The following ENTR1 variants were observed in gnomAD, a reference collection of about 807,000 sequenced individuals.
ENTR1 encodes endosome-associated-trafficking regulator 1.
In ENTR1, 47 loss-of-function variants were observed where a neutral mutation model predicts 47.9. The ratio of observed to expected loss-of-function variants is 0.98; its 90% CI spans 0.78 to 1.25. The LOEUF (loss-of-function observed/expected upper bound fraction) is 1.25, where lower values mean the gene tolerates loss of function less well. Among genes scored for constraint, ENTR1 ranks in the 50% most tolerant of loss-of-function variants. The pLI is 0.00. For synonymous variants in ENTR1, 290 were observed against 245.8 expected (o/e 1.18, Z -1.68); for missense variants, 668 against 570.5 (o/e 1.17, Z -1.74).
intron 6 of ENTR1, 141 bp downstream of exon 6, chr9:136,405,764 A>T: frequency 1.8e-6 from 1 of 564,346 alleles, no homozygotes; most frequent in East Asian, 3.2e-5. Flanking sequence ...GGCAGAACAC[A>T]GAAATGTGTT....
rs771852628 is a variant in ENTR1 at position 136,410,196 on chromosome 9, A to G, written c.114T>C (p.Asn38=). Residue 38 remains asparagine, a synonymous_variant, in exon 2 of 10, where the codon AAT becomes AAC. Transcript: ENST00000357365. ...GGTCCCTGCCATGGGGGCGCTCACA[A>G]TTTAGCTGGGGGAGACAAGACCGGC... ...YERRSCLPQL[N]CERPHGRDLD... 2.5e-6 allele frequency: 4 copies of G among 1,603,462 alleles called. No individual in the cohort carries two copies. The Admixed American group carries it at 5.2e-5, about 21-fold the overall frequency.
chr9:136,408,390 A>G (rs552901621), intron 3 of ENTR1, among the ~76,000 whole-genome samples: 32 of 152,164 alleles, frequency 2.1e-4, no homozygotes, highest in South Asian at 4.2e-4. Flanking sequence ...CATCCTGGCT[A>G]ACACGGTGAA....
chr9:136,407,091 G>A, intron 5 of ENTR1, 54 bp downstream of exon 5: 1 of 1,518,626 alleles, frequency 6.6e-7, no homozygotes, highest in Non-Finnish European at 8.9e-7. Context: ...GTTCTCCCCG[G>A]GAGAAGCCGC....
rs1477002688 is a variant in ENTR1 at position 136,407,414 on chromosome 9, A to G, written c.550T>C (p.Trp184Arg). 8.1e-6 allele frequency: 13 copies of G among 1,609,386 alleles called. No homozygotes were observed. The highest frequency in any genetic ancestry group is 1.1e-5 in the Non-Finnish European group (13 of 1,179,200). Residue 184 changes from tryptophan to arginine, a missense_variant, in exon 5 of 10, where the codon TGG becomes CGG. Coordinates refer to ENST00000357365, the MANE Select transcript of ENTR1 (RefSeq NM_001039707.2). ...LDEEEDEDTG[W>R]SGAYLPSAIE... The stretch of plus-strand genomic sequence containing the variant: ...GCGGACGGCAGGTAGGCCCCACTCC[A>G]TCCGGTGTCCTCATCCTCCTCCTCA...
Position 136,407,560 on chromosome 9 carries a change from T to A in ENTR1, c.404A>T (p.Glu135Val). The change falls in exon 5 of 10, where the codon GAA becomes GTA. Residue 135 changes from glutamate to valine, a missense_variant and splice_region_variant. Glu to Val is a moderately radical substitution (Grantham distance 121). Transcript: ENST00000357365. ...AAGTCCCAGGGAATGCCTCGAGGCT[T>A]CCTAAAAAAAAAAAAAAAAAAAAAA... ...EDPASRIYAK[E>V]ASRHSLGLDH... is the part of the protein sequence containing the mutation. 6 of 1,377,082 alleles carry A rather than the reference T, an allele frequency of 4.4e-6. No homozygotes were observed. Among genetic ancestry groups the A allele is most frequent in the Non-Finnish European group, 5.6e-6 (6 of 1,068,566 alleles). The allele number at this position is 1,377,082 out of a possible 1,614,324, so 85.3% of individuals were successfully genotyped here.
At chr9:136,403,452 GTGGGGTTTGCC>G (rs1834607495) in intron 9 of ENTR1, among the ~76,000 whole-genome samples, 1 of 97,612 alleles carries the variant, frequency 1.0e-5, no homozygotes, top group African/African-American at 3.8e-5. Flanking sequence ...GGAGCAAGGG[GTGGGGTTTGCC>G]GGGGGAAGAA....
At chr9:136,404,536 G>T in intron 8 of ENTR1, 95 bp downstream of exon 8, 1 of 1,350,938 alleles carries the variant, frequency 7.4e-7, no homozygotes. Context: ...GGGCTCAGGG[G>T]AAACCCCAGC....
At chr9:136,405,836 T>A in intron 6 of ENTR1, 69 bp downstream of exon 6, 1 of 947,160 alleles carries the variant, frequency 1.1e-6, no homozygotes, top group Non-Finnish European at 1.6e-6. Flanking sequence ...TACTTCATTA[T>A]CATTTAAAAA....
chr9:136,409,969 T>A (rs780275447), intron 2 of ENTR1, 121 bp downstream of exon 2: 2 of 1,242,572 alleles, frequency 1.6e-6, no homozygotes, highest in East Asian at 4.8e-5. Context: ...TCCGAGTGCC[T>A]GGCACGCAGT....
At chr9:136,403,973 G>A (rs541653275) in intron 9 of ENTR1, 82 bp downstream of exon 9, 52 of 1,463,560 alleles carry the variant, frequency 3.6e-5, no homozygotes, top group Middle Eastern at 5.1e-4. Context: ...CATCAGCCTG[G>A]GCCCCCACCC....
rs1234393051 is a variant in ENTR1, at chr9:136,407,389, G to A, written c.575C>T (p.Ala192Val). ...CCTCTCGGGGTGAGTCTGCTCGATG[G>A]CGGACGGCAGGTAGGCCCCACTCCA... is the stretch of plus-strand genomic sequence containing the variant. ...TGWSGAYLPS[A>V]IEQTHPERVP... The change falls in exon 5 of 10, where the codon GCC (alanine) becomes GTC (valine). Residue 192 changes from alanine to valine, a missense_variant. Transcript: ENST00000357365. 6.2e-7 allele frequency: 1 copy of A among 1,607,096 alleles called. No individual in the cohort carries two copies. The highest frequency in any genetic ancestry group is 8.5e-7 in the Non-Finnish European group (1 of 1,178,212).
chr9:136,407,906 G>T lies in ENTR1; in HGVS notation c.322C>A (p.Pro108Thr), dbSNP rs746917048. 17 of 1,611,838 alleles carry T rather than the reference G, an allele frequency of 1.1e-5. No individual in the cohort carries two copies. The highest frequency in any genetic ancestry group is 1.7e-5 in the Admixed American group (1 of 59,990). Residue 108 changes from proline to threonine, a missense_variant, in exon 4 of 10, where the codon CCA (proline) becomes ACA (threonine). By Grantham distance (38) the Pro-to-Thr change is conservative. Transcript: ENST00000357365. Reference protein sequence around the residue: ...DRFEDLEEANPFSFREFLKTK... With the variant: ...DRFEDLEEANTFSFREFLKTK... Reference sequence around the variant, plus strand: ...TTCAGAAACTCTCTAAAAGAGAATGGATTTGCCTCTTCCAGATCTTCAAAT... The same window carrying T: ...TTCAGAAACTCTCTAAAAGAGAATGTATTTGCCTCTTCCAGATCTTCAAAT...
chr9:136,406,841 T>G, intron 5 of ENTR1: 1 of 279,854 alleles, frequency 3.6e-6, no homozygotes, highest in Non-Finnish European at 6.7e-6. Context: ...TTAAAAATTT[T>G]CCTCCTCTTG....
intron 2 of ENTR1, 95 bp from the exon 3 acceptor site, chr9:136,409,162 T>G: frequency 3.9e-5 from 37 of 942,422 alleles, no homozygotes; most frequent in East Asian, 5.1e-5. Context: ...TCCACTGCAG[T>G]GGTTCTCACA....
chr9:136,404,107 C>G lies in ENTR1; in HGVS notation c.1156G>C (p.Val386Leu), dbSNP rs190302340. ...SLTVVKQNAD[V>L]ALQNLRVVMN... is the part of the protein sequence containing the mutation. ...ACCACCCGGAGGTTCTGCAGGGCCA[C>G]GTCGGCGTTCTGCTTCACCACGGTC... The change falls in exon 9 of 10, where the codon GTG becomes CTG. Residue 386 changes from valine to leucine, a missense_variant. Transcript: ENST00000357365. 1.2e-6 allele frequency: 2 copies of G among 1,613,344 alleles called. No homozygotes were observed. Among genetic ancestry groups the G allele is most frequent in the Non-Finnish European group, 1.7e-6 (2 of 1,179,860 alleles).
In ENTR1 at chr9:136,405,142, G is replaced by A. The variant is rs145444109; in HGVS notation, c.954C>T (p.His318=). 419 of 1,613,954 alleles carry A rather than the reference G, an allele frequency of 2.6e-4. 1 individual carries two copies. The East Asian group carries it at 7.6e-3, about 29-fold the overall frequency. The change falls in exon 7 of 10, where the codon CAC becomes CAT. Residue 318 remains histidine (H), a synonymous_variant. Coordinates refer to ENST00000357365, the MANE Select transcript of ENTR1 (RefSeq NM_001039707.2). ...AKMIKEESDY[H]DLESVVQQVE... ...CCTGCTGAACCACCGACTCCAGGTC[G>A]TGGTAGTCGCTTTCCTCCTTGATCA...
At chr9:136,402,973 T>G (rs1295845287) in intron 9 of ENTR1, 86 bp from the exon 10 acceptor site, 50 of 557,394 alleles carry the variant, frequency 9.0e-5, no homozygotes, top group South Asian at 2.9e-4. Context: ...GAGGGGTTGG[T>G]AGGGGGAAAA....
At position 136,407,131 on chromosome 9, in the gene ENTR1, T is replaced by G. The variant is rs3087886; in HGVS notation, c.819+14A>C. ...ACAGGCGCTGTGCCAGAGGGCGCCG[T>G]GAGGCTCACTTACTGCGTCGTAACT... On this transcript the variant is annotated intron_variant, in intron 5 of 9. Transcript: ENST00000357365. 2 of 1,573,550 alleles carry G rather than the reference T, an allele frequency of 1.3e-6. No individual in the cohort carries two copies. The highest frequency in any genetic ancestry group is 1.2e-5 in the South Asian group (1 of 86,664).
chr9:136,405,817 G>C, intron 6 of ENTR1, 88 bp downstream of exon 6: 1 of 760,446 alleles, frequency 1.3e-6, no homozygotes, highest in Non-Finnish European at 2.1e-6. Context: ...GATCTGGTTT[G>C]ACTCTGATTA....
Sources: allele counts gnomAD v4.1 joint callset (sites outside exome capture counted in the v4.1 genomes callset), GRCh38; gene constraint gnomAD v4.1.1; transcripts MANE v1.5; gene names NCBI Gene and HGNC (gene_info 2026-07-23, HGNC 2026-07-21).